PRRX2: variants seen among roughly 807,000 people sequenced by gnomAD.
PRRX2 encodes the protein paired mesoderm homeobox protein 2.
A neutral mutation model predicts 18.0 loss-of-function variants in PRRX2; 11 were observed. The ratio of observed to expected loss-of-function variants is 0.61; its 90% CI spans 0.39 to 1.01. The LOEUF (loss-of-function observed/expected upper bound fraction) is 1.01, where lower values mean the gene tolerates loss of function less well. Among genes scored for constraint, PRRX2 ranks in the 50% least tolerant of loss-of-function variants. PRRX2 has a pLI of 0.01. For missense variants in PRRX2, 387 were observed against 351.0 expected (o/e 1.10, Z -0.82); for synonymous variants, 177 against 154.8 (o/e 1.14, Z -1.06).
chr9:129,670,902 A>G (rs1042409733), intron 1 of PRRX2, among the ~76,000 whole-genome samples: 1 of 152,014 alleles, frequency 6.6e-6, no homozygotes, highest in African/African-American at 2.4e-5. Flanking sequence ...TTCCTGGGAC[A>G]AGGGGAGTCA....
intron 1 of PRRX2, among the ~76,000 whole-genome samples, chr9:129,667,417 G>T (rs1376864284): frequency 6.6e-6 from 1 of 152,220 alleles, no homozygotes; most frequent in African/African-American, 2.4e-5. Context: ...GACCTCAGCG[G>T]CTCTGAGCCG....
At chr9:129,680,999 G>A (rs182144274) in intron 1 of PRRX2, among the ~76,000 whole-genome samples, 11 of 152,336 alleles carry the variant, frequency 7.2e-5, no homozygotes, top group African/African-American at 2.4e-4. Context: ...TGGCTAAGAC[G>A]ACCTTGGGGA....
chr9:129,682,672 G>A (rs998655836), intron 1 of PRRX2, among the ~76,000 whole-genome samples: 5 of 152,182 alleles, frequency 3.3e-5, no homozygotes, highest in Non-Finnish European at 4.4e-5. Context: ...AAACAGCTCA[G>A]GTATCTGTGG....
intron 1 of PRRX2, among the ~76,000 whole-genome samples, chr9:129,690,622 T>G (rs2130918476): frequency 6.6e-6 from 1 of 151,546 alleles, no homozygotes; most frequent in East Asian, 2.0e-4. Context: ...TTCTCCTGCC[T>G]CAGCCTCCTG....
chr9:129,704,273 G>A (rs980281266), intron 1 of PRRX2, among the ~76,000 whole-genome samples: 1 of 148,204 alleles, frequency 6.7e-6, no homozygotes, highest in Non-Finnish European at 1.5e-5. Flanking sequence ...GGAGCACCAC[G>A]TTAAGCATGT....
At chr9:129,711,889 T>A (rs1326967177) in intron 1 of PRRX2, among the ~76,000 whole-genome samples, 1 of 152,152 alleles carries the variant, frequency 6.6e-6, no homozygotes, top group Admixed American at 6.5e-5. Context: ...TCAGGGCCAC[T>A]TGTGTCCTTG....
Position 129,665,780 on chromosome 9 carries a change from C to A in PRRX2, c.-88C>A. The stretch of plus-strand genomic sequence containing the variant: ...GGAGCTGGGCAGAGCGCGGGGCGGC[C>A]GGGGCTCTCGCTCCGACCCGCGCCC... On this transcript the variant is annotated 5_prime_UTR_variant, in exon 1 of 4. Transcript: ENST00000372469. This position sits in a 1 kb window ranked among gnomAD's most constrained non-coding sequence, Gnocchi z 5.3. The A allele has an allele frequency of 1.1e-6, 1 of 934,036 alleles. No individual in the cohort carries two copies. The highest frequency in any genetic ancestry group is 1.3e-6 in the Non-Finnish European group (1 of 778,348). The allele number at this position is 934,036 out of a possible 1,614,324, so 57.9% of individuals were successfully genotyped here.
intron 1 of PRRX2, among the ~76,000 whole-genome samples, chr9:129,678,460 T>C (rs1348793699): frequency 6.6e-6 from 1 of 152,190 alleles, no homozygotes; most frequent in Non-Finnish European, 1.5e-5. Flanking sequence ...CTGGATGCTA[T>C]GACAACACAC....
chr9:129,720,250 C>G (rs926392752), intron 2 of PRRX2, among the ~76,000 whole-genome samples: 1 of 148,222 alleles, frequency 6.7e-6, no homozygotes, highest in Non-Finnish European at 1.5e-5. Flanking sequence ...AAGAGCCTCT[C>G]CCCCCGAGTG....
Position 129,713,894 on chromosome 9 carries a change from C to T in PRRX2, c.260-5337C>T, listed in dbSNP as rs1374690121. Reference sequence around the variant, plus strand: ...CTGACCTCAGGTGTTCCGCCTGCCTCGACCTCCCAAAGTGCTGGGATTATA... The same window carrying T: ...CTGACCTCAGGTGTTCCGCCTGCCTTGACCTCCCAAAGTGCTGGGATTATA... On this transcript the variant is annotated intron_variant, in intron 1 of 3. Coordinates refer to ENST00000372469, the MANE Select transcript of PRRX2 (RefSeq NM_016307.4). 2.0e-5 allele frequency among the ~76,000 whole-genome samples: 3 copies of T among 151,240 alleles called. No homozygotes were observed. The East Asian group carries it at 6.0e-4, about 30-fold the overall frequency.
intron 1 of PRRX2, among the ~76,000 whole-genome samples, chr9:129,705,311 G>A (rs1181067847): frequency 1.3e-5 from 2 of 152,198 alleles, no homozygotes; most frequent in Admixed American, 1.3e-4. Flanking sequence ...TCCTGCTAGG[G>A]CCACGCTGGG....
At position 129,722,365 on chromosome 9, in the gene PRRX2, C is replaced by G. The variant is rs1275238105; in HGVS notation, c.*13C>G. On this transcript the variant is annotated 3_prime_UTR_variant, in exon 4 of 4. Coordinates refer to ENST00000372469, the MANE Select transcript of PRRX2 (RefSeq NM_016307.4). Reference sequence around the variant, plus strand: ...TACGGTGAACTGAAGTCCAGTCCCACCAGGACCCAGACGCCTCCCTGGGTG... The same window carrying G: ...TACGGTGAACTGAAGTCCAGTCCCAGCAGGACCCAGACGCCTCCCTGGGTG... The G allele has an allele frequency of 1.2e-6, 2 of 1,613,014 alleles. No homozygotes were observed. The highest frequency in any genetic ancestry group is 2.2e-5 in the South Asian group (2 of 91,030).
intron 1 of PRRX2, among the ~76,000 whole-genome samples, chr9:129,684,833 T>C (rs1832284190): frequency 6.6e-6 from 1 of 152,218 alleles, no homozygotes; most frequent in African/African-American, 2.4e-5. Flanking sequence ...ACGGAGGGAC[T>C]GTTAATTGTG....
chr9:129,690,698 G>C (rs980960537), intron 1 of PRRX2, among the ~76,000 whole-genome samples: 1 of 151,654 alleles, frequency 6.6e-6, no homozygotes, highest in East Asian at 2.0e-4. Context: ...AGTAGAGATG[G>C]GGTTTCACTA....
intron 1 of PRRX2, among the ~76,000 whole-genome samples, chr9:129,668,373 G>A (rs565256534): frequency 6.4e-4 from 97 of 152,290 alleles, no homozygotes; most frequent in Middle Eastern, 3.4e-3. Flanking sequence ...CTTGGGTTGC[G>A]GCATCATCCT....
intron 1 of PRRX2, among the ~76,000 whole-genome samples, chr9:129,670,248 GGTT>G (rs1832084385): frequency 6.6e-6 from 1 of 151,698 alleles, no homozygotes. Context: ...CAGACACGTG[GGTT>G]GTTCCCATCT....
chr9:129,701,869 C>T (rs946852548), intron 1 of PRRX2, among the ~76,000 whole-genome samples: 1 of 152,062 alleles, frequency 6.6e-6, no homozygotes, highest in Admixed American at 6.5e-5. Flanking sequence ...GAGGCCAAGG[C>T]AGGCGGATCA....
chr9:129,668,778 CA>C (rs562855941), intron 1 of PRRX2, among the ~76,000 whole-genome samples: 1,784 of 58,646 alleles, frequency 0.03, 11 homozygotes, highest in African/African-American at 0.085. Flanking sequence ...GACTCCATCT[CA>C]AAAAAAAAAA....
intron 1 of PRRX2, among the ~76,000 whole-genome samples, chr9:129,716,053 C>T (rs933224834): frequency 6.6e-6 from 1 of 152,126 alleles, no homozygotes; most frequent in Non-Finnish European, 1.5e-5. Context: ...CAAAGCTCTT[C>T]TGTTGGCCAA....
Sources: gnomAD v4.1 joint callset for allele counts (sites outside exome capture counted in the v4.1 genomes callset) on GRCh38, gnomAD v4.1.1 for gene constraint, Gnocchi (gnomAD v3.1) non-coding constraint, MANE v1.5 for transcripts, NCBI Gene and HGNC (gene_info 2026-07-23, HGNC 2026-07-21) for gene names.